Variants in TMEM232 observed in about 807,000 individuals in gnomAD.
TMEM232 encodes the protein transmembrane protein 232.
TMEM232 carries 80 observed loss-of-function variants against 78.8 expected under a neutral mutation model. That is an observed-to-expected ratio of 1.01 (90% CI 0.85 to 1.22). The LOEUF (loss-of-function observed/expected upper bound fraction) is 1.22. Ranked by LOEUF, TMEM232 falls within the 50% of genes most tolerant of loss-of-function variation. The pLI is 0.00. For missense variants in TMEM232, 881 were observed against 742.2 expected, an observed-to-expected ratio of 1.19 and a Z score of -2.17; for synonymous variants, 297 against 254.3, an observed-to-expected ratio of 1.17 and a Z score of -1.60.
At chr5:110,460,803 C>T (rs2149354163) in intron 12 of TMEM232, among the ~76,000 whole-genome samples, 1 of 151,864 alleles carries the variant, frequency 6.6e-6, no homozygotes, top group Admixed American at 6.6e-5. Context: ...ATATTTAAAA[C>T]ATTTTCATTA....
chr5:110,491,168 A>G (rs946427744), intron 12 of TMEM232, among the ~76,000 whole-genome samples: 1 of 152,088 alleles, frequency 6.6e-6, no homozygotes, highest in Non-Finnish European at 1.5e-5. Context: ...CAAAGGATTT[A>G]AATAGATTTT....
At chr5:110,550,829 T>C (rs1774363837) in intron 11 of TMEM232, among the ~76,000 whole-genome samples, 1 of 148,692 alleles carries the variant, frequency 6.7e-6, no homozygotes, top group African/African-American at 2.5e-5. Flanking sequence ...TTTTAAAAAA[T>C]GGAACTTGAC....
At chr5:110,644,941 C>T (rs1211799032) in intron 2 of TMEM232, among the ~76,000 whole-genome samples, 1 of 151,368 alleles carries the variant, frequency 6.6e-6, no homozygotes, top group African/African-American at 2.4e-5. Flanking sequence ...ACATAAGAAA[C>T]TATTATGACC....
intron 1 of TMEM232, among the ~76,000 whole-genome samples, chr5:110,681,775 C>T (rs573554660): frequency 6.6e-6 from 1 of 152,282 alleles, no homozygotes; most frequent in South Asian, 2.1e-4. Context: ...GGAGTTCAAA[C>T]ATTCAGCTTC....
intron 4 of TMEM232, among the ~76,000 whole-genome samples, chr5:110,638,822 C>A (rs948567400): frequency 1.3e-5 from 2 of 152,076 alleles, no homozygotes; most frequent in African/African-American, 4.8e-5. Context: ...AAATAAATCA[C>A]CAGGCCACAC....
intron 12 of TMEM232, among the ~76,000 whole-genome samples, chr5:110,454,188 A>G (rs1190477469): frequency 6.6e-6 from 1 of 152,228 alleles, no homozygotes. Context: ...TATTCTAACA[A>G]CAGCAGAATA....
At chr5:110,618,333 C>T in intron 8 of TMEM232, 96 bp downstream of exon 8, 1 of 1,450,442 alleles carries the variant, frequency 6.9e-7, no homozygotes, top group Non-Finnish European at 9.3e-7. Context: ...TCATAGTCAA[C>T]TGAGGTGTGA....
chr5:110,646,796 T>C (rs925175034), intron 2 of TMEM232, among the ~76,000 whole-genome samples: 1 of 151,764 alleles, frequency 6.6e-6, no homozygotes, highest in Non-Finnish European at 1.5e-5. Context: ...TCTGAGAAGG[T>C]GCTAATATCC....
rs1027397814 is a variant in TMEM232, at chr5:110,396,644, T to C, written n.390+1129A>G. Among the ~76,000 whole-genome samples the C allele has an allele frequency of 2.6e-5, 4 of 152,216 alleles. No homozygotes were observed. The East Asian group carries it at 7.7e-4, about 29-fold the overall frequency. On this transcript the variant is annotated intron_variant and non_coding_transcript_variant, in intron 3 of 8. Transcript: ENST00000507188. ...CAAATCAGTGATATGTGATAAATAT[T>C]CAATAATAAAAAATGCAGCCATATC...
At chr5:110,469,338 A>G (rs777741466) in intron 12 of TMEM232, among the ~76,000 whole-genome samples, 1 of 152,206 alleles carries the variant, frequency 6.6e-6, no homozygotes, top group African/African-American at 2.4e-5. Flanking sequence ...GTAGTCCAGT[A>G]TCTCTGAGCT....
chr5:110,447,563 C>T (rs1273480234), intron 12 of TMEM232, among the ~76,000 whole-genome samples: 1 of 152,080 alleles, frequency 6.6e-6, no homozygotes, highest in Non-Finnish European at 1.5e-5. Flanking sequence ...AAGAATGATA[C>T]ATCATTCCAT....
intron 11 of TMEM232, among the ~76,000 whole-genome samples, chr5:110,537,130 C>A (rs1772470406): frequency 6.6e-6 from 1 of 152,096 alleles, no homozygotes; most frequent in Non-Finnish European, 1.5e-5. Context: ...AAGTCCTCCT[C>A]TCTTTTCCAG....
chr5:110,705,770 G>T (rs1409622530), intron 1 of TMEM232, among the ~76,000 whole-genome samples: 6 of 130,402 alleles, frequency 4.6e-5, no homozygotes, highest in Non-Finnish European at 1.0e-4. Flanking sequence ...GTGCGTGTGT[G>T]TGTGTGTGTG....
chr5:110,412,949 C>T (rs1462409720), intron 2 of TMEM232, among the ~76,000 whole-genome samples: 1 of 152,134 alleles, frequency 6.6e-6, no homozygotes, highest in African/African-American at 2.4e-5. Flanking sequence ...TCATCATCCC[C>T]TTGCAATAAT....
intron 1 of TMEM232, among the ~76,000 whole-genome samples, chr5:110,686,230 A>G (rs1793386780): frequency 6.6e-6 from 1 of 151,926 alleles, no homozygotes; most frequent in Non-Finnish European, 1.5e-5. Context: ...CAGAAGTGAC[A>G]CTCTAGGACT....
intron 11 of TMEM232, among the ~76,000 whole-genome samples, chr5:110,541,083 T>C (rs1182945572): frequency 6.6e-6 from 1 of 152,108 alleles, no homozygotes; most frequent in East Asian, 1.9e-4. Flanking sequence ...TGGTGGTACA[T>C]GGGATCACAA....
intron 11 of TMEM232, among the ~76,000 whole-genome samples, chr5:110,534,553 A>G (rs542968801): frequency 6.6e-6 from 1 of 152,046 alleles, no homozygotes; most frequent in South Asian, 2.1e-4. Context: ...ACTGTGCCCC[A>G]AAAAAACTTG....
At chr5:110,559,070 T>C (rs1310518895) in intron 11 of TMEM232, among the ~76,000 whole-genome samples, 1 of 152,186 alleles carries the variant, frequency 6.6e-6, no homozygotes, top group African/African-American at 2.4e-5. Context: ...TGAAAGAAGG[T>C]CTTCCTAGCT....
At chr5:110,426,598 T>C (rs1021291122) in intron 12 of TMEM232, among the ~76,000 whole-genome samples, 1 of 151,854 alleles carries the variant, frequency 6.6e-6, no homozygotes, top group Non-Finnish European at 1.5e-5. Flanking sequence ...AAGAAAACAA[T>C]GGAAGTTACA....
Sources: gnomAD v4.1 joint callset for allele counts (sites outside exome capture counted in the v4.1 genomes callset) on GRCh38, gnomAD v4.1.1 for gene constraint, MANE v1.5 for transcripts, NCBI Gene and HGNC (gene_info 2026-07-23, HGNC 2026-07-21) for gene names.